COX10: variants seen among roughly 807,000 people sequenced by gnomAD.
The protein encoded by COX10 is cytochrome c oxidase assembly factor heme A:farnesyltransferase COX10.
In COX10, 27 loss-of-function variants were observed where a neutral mutation model predicts 37.3. The ratio of observed to expected loss-of-function variants is 0.72; its 90% CI spans 0.53 to 1.00. COX10 has a LOEUF of 1.00. Ranked by LOEUF, COX10 falls within the 50% of genes least tolerant of loss-of-function variation. The probability of loss-of-function intolerance (pLI) is 0.00; values close to 1 mark genes in which losing one functional copy is unlikely to be tolerated. For synonymous variants in COX10, 222 were observed against 229.1 expected, an observed-to-expected ratio of 0.97 and a Z score of 0.28; for missense variants, 475 against 563.2, an observed-to-expected ratio of 0.84 and a Z score of 1.59.
chr17:14,093,774 G>T (rs1915581098), intron 3 of COX10, among the ~76,000 whole-genome samples: 1 of 152,198 alleles, frequency 6.6e-6, no homozygotes, highest in Non-Finnish European at 1.5e-5. Flanking sequence ...CAGTGTTAAA[G>T]CCTGTCTTGC....
intron 4 of COX10, among the ~76,000 whole-genome samples, chr17:14,128,788 C>T (rs1036043480): frequency 2.6e-5 from 4 of 152,176 alleles, no homozygotes; most frequent in African/African-American, 9.7e-5. Flanking sequence ...CAAAGGCGGT[C>T]AACTTTAAGA....
intron 3 of COX10, among the ~76,000 whole-genome samples, chr17:14,089,733 T>C (rs530681023): frequency 2.0e-5 from 3 of 152,324 alleles, no homozygotes; most frequent in Admixed American, 1.3e-4. Context: ...TCAAACTTCA[T>C]ATGCCTTCTG....
intron 3 of COX10, among the ~76,000 whole-genome samples, chr17:14,099,306 C>T (rs550852061): frequency 5.3e-5 from 8 of 152,216 alleles, no homozygotes; most frequent in South Asian, 2.1e-4. Flanking sequence ...AGGCACCTTA[C>T]GAACTACCAT....
intron 4 of COX10, among the ~76,000 whole-genome samples, chr17:14,112,612 A>C (rs1325163837): frequency 2.0e-5 from 3 of 152,186 alleles, no homozygotes; most frequent in Non-Finnish European, 4.4e-5. Flanking sequence ...GAATATAGGC[A>C]GTGCCTTAGG....
chr17:14,097,765 A>C (rs1034192625), intron 3 of COX10, among the ~76,000 whole-genome samples: 1 of 152,184 alleles, frequency 6.6e-6, no homozygotes, highest in Non-Finnish European at 1.5e-5. Flanking sequence ...CTGGGATGGT[A>C]AATGACTTAA....
chr17:14,120,943 G>A (rs1213043489), intron 4 of COX10, among the ~76,000 whole-genome samples: 2 of 152,060 alleles, frequency 1.3e-5, no homozygotes, highest in Non-Finnish European at 1.5e-5. Flanking sequence ...TCCCATACAG[G>A]CATTGGTTAT....
chr17:14,170,863 G>A (rs1417010231), intron 5 of COX10, among the ~76,000 whole-genome samples: 2 of 152,104 alleles, frequency 1.3e-5, no homozygotes, highest in South Asian at 2.1e-4. Context: ...CATTATTATG[G>A]ATATAATAAT....
intron 4 of COX10, among the ~76,000 whole-genome samples, chr17:14,149,476 C>T (rs911871199): frequency 2.6e-5 from 4 of 152,114 alleles, no homozygotes; most frequent in African/African-American, 7.2e-5. Context: ...TGTGTTTTAG[C>T]GGCGATACTG....
chr17:14,073,815 A>T (rs1915084221), intron 1 of COX10, among the ~76,000 whole-genome samples: 3 of 152,154 alleles, frequency 2.0e-5, no homozygotes, highest in Admixed American at 2.0e-4. Context: ...CTAAAAGCCA[A>T]ATTTAGATAC....
At chr17:14,147,968 G>A (rs1035956045) in intron 4 of COX10, among the ~76,000 whole-genome samples, 2 of 151,478 alleles carry the variant, frequency 1.3e-5, no homozygotes, top group Non-Finnish European at 2.9e-5. Flanking sequence ...CTCTCTGGAA[G>A]GAAAAAGGGG....
intron 5 of COX10, among the ~76,000 whole-genome samples, chr17:14,166,646 C>T (rs1337871997): frequency 9.3e-6 from 1 of 107,586 alleles, no homozygotes; most frequent in Non-Finnish European, 2.1e-5. Context: ...GACAGTCTTC[C>T]TCTCACTCAG....
intron 4 of COX10, among the ~76,000 whole-genome samples, chr17:14,151,236 A>G (rs935937721): frequency 6.6e-6 from 1 of 152,204 alleles, no homozygotes; most frequent in Non-Finnish European, 1.5e-5. Flanking sequence ...AAATGCATGA[A>G]GAACAGAATC....
At chr17:14,136,879 A>G (rs1358914337) in intron 4 of COX10, among the ~76,000 whole-genome samples, 1 of 152,040 alleles carries the variant, frequency 6.6e-6, no homozygotes, top group African/African-American at 2.4e-5. Flanking sequence ...TCCATTTGAC[A>G]TTGAAATCTT....
At chr17:14,157,150 A>G (rs1326503901) in intron 4 of COX10, among the ~76,000 whole-genome samples, 1 of 152,218 alleles carries the variant, frequency 6.6e-6, no homozygotes, top group East Asian at 1.9e-4. Context: ...GAGATATAAA[A>G]AGACAGTGGC....
At chr17:14,151,559 AC>A (rs1904895224) in intron 4 of COX10, among the ~76,000 whole-genome samples, 1 of 151,424 alleles carries the variant, frequency 6.6e-6, no homozygotes, top group African/African-American at 2.4e-5. Flanking sequence ...ACACACACAC[AC>A]ACACACACAC....
chr17:14,169,323 A>G (rs1399459042), intron 5 of COX10, among the ~76,000 whole-genome samples: 2 of 152,184 alleles, frequency 1.3e-5, no homozygotes, highest in African/African-American at 4.8e-5. Flanking sequence ...CACTATGAGC[A>G]TTTTGGTTAA....
intron 5 of COX10, among the ~76,000 whole-genome samples, chr17:14,171,327 G>A (rs9898369): frequency 0.11 from 17,422 of 152,218 alleles, 1,164 homozygotes; most frequent in South Asian, 0.18. Flanking sequence ...AGGACACTAA[G>A]TGTTGTCAAA....
chr17:14,108,189 A>C (rs773981481), intron 4 of COX10, among the ~76,000 whole-genome samples: 1 of 152,144 alleles, frequency 6.6e-6, no homozygotes, highest in East Asian at 1.9e-4. Context: ...AGGAATATGT[A>C]TGAGGGAGGG....
chr17:14,076,950 A>G lies in COX10; in HGVS notation c.393A>G (p.Ile131Met). 15 of 1,614,238 alleles carry G rather than the reference A, an allele frequency of 9.3e-6. No individual in the cohort carries two copies. The highest frequency in any genetic ancestry group is 1.3e-5 in the Non-Finnish European group (15 of 1,180,044). Reference protein sequence around the residue: ...LEPDSVIEDSIDVGKETKEEK... With the variant: ...LEPDSVIEDSMDVGKETKEEK... ...CAGACTCAGTAATTGAAGACTCAAT[A>G]GATGTAGGGAAAGAGACAAAAGAGG... The change falls in exon 3 of 7, where the codon ATA becomes ATG. Residue 131 changes from isoleucine to methionine, a missense_variant. Ile to Met is a conservative substitution (Grantham distance 10). Transcript: ENST00000261643.
Sources: gnomAD v4.1 joint callset for allele counts (sites outside exome capture counted in the v4.1 genomes callset) on GRCh38, gnomAD v4.1.1 for gene constraint, MANE v1.5 for transcripts, NCBI Gene and HGNC (gene_info 2026-07-23, HGNC 2026-07-21) for gene names.